ATP8A2: variants seen among roughly 807,000 people sequenced by gnomAD.
ATP8A2 encodes the protein phospholipid-transporting ATPase IB.
ATP8A2 carries 100 observed loss-of-function variants against 165.6 expected under a neutral mutation model. The ratio of observed to expected loss-of-function variants is 0.60; its 90% CI spans 0.51 to 0.71. The LOEUF (loss-of-function observed/expected upper bound fraction) is 0.71, where lower values mean the gene tolerates loss of function less well. Among genes scored for constraint, ATP8A2 ranks in the 30% least tolerant of loss-of-function variants. ATP8A2 has a pLI of 0.00. For synonymous variants in ATP8A2, 543 were observed against 548.8 expected, an observed-to-expected ratio of 0.99 and a Z score of 0.15; for missense variants, 1,227 against 1,479.5, an observed-to-expected ratio of 0.83 and a Z score of 2.80.
rs529758396 is a variant in ATP8A2 at position 25,938,453 on chromosome 13, G to A, written c.3184-23122G>A. Among the ~76,000 whole-genome samples, 7 of 152,306 alleles carry A rather than the reference G, an allele frequency of 4.6e-5. No individual in the cohort carries two copies. In the South Asian group the frequency reaches 8.3e-4, roughly 18 times the overall value. The stretch of plus-strand genomic sequence containing the variant: ...AGGAAATTACAAAGTTATGGATCCC[G>A]CAGTAACTGTAAATTAACCCCATTG... On this transcript the variant is annotated intron_variant, in intron 33 of 36. Coordinates refer to ENST00000381655, the MANE Select transcript of ATP8A2 (RefSeq NM_016529.6).
At chr13:25,633,550 A>G (rs1593694598) in intron 24 of ATP8A2, among the ~76,000 whole-genome samples, 1 of 152,216 alleles carries the variant, frequency 6.6e-6, no homozygotes, top group Non-Finnish European at 1.5e-5. Flanking sequence ...TGTCCTTTCA[A>G]TAATAGCAAC....
At chr13:25,952,179 A>G (rs1566297964) in intron 33 of ATP8A2, among the ~76,000 whole-genome samples, 1 of 152,190 alleles carries the variant, frequency 6.6e-6, no homozygotes, top group Non-Finnish European at 1.5e-5. Flanking sequence ...CAATACGTTG[A>G]ACTGAGATGC....
intron 25 of ATP8A2, among the ~76,000 whole-genome samples, chr13:25,716,716 C>T (rs3117862): frequency 0.24 from 36,804 of 151,996 alleles, 6,674 homozygotes; most frequent in African/African-American, 0.51. Flanking sequence ...GCTCTTATTA[C>T]GTGTAAAACA....
chr13:25,825,923 C>T (rs1166129913), intron 27 of ATP8A2, among the ~76,000 whole-genome samples: 5 of 151,570 alleles, frequency 3.3e-5, no homozygotes, highest in Non-Finnish European at 7.4e-5. Context: ...TCAGATCCTA[C>T]AAAGAATGGT....
chr13:25,708,477 TGTTA>T (rs2043096600), intron 25 of ATP8A2, among the ~76,000 whole-genome samples: 1 of 152,250 alleles, frequency 6.6e-6, no homozygotes, highest in Non-Finnish European at 1.5e-5. Flanking sequence ...AAGAAAATTA[TGTTA>T]TCCATTTTCC....
At position 25,797,597 on chromosome 13, in the gene ATP8A2, C is replaced by T. The variant is rs374055844; in HGVS notation, c.2679+22638C>T. 2.0e-5 allele frequency among the ~76,000 whole-genome samples: 3 copies of T among 152,194 alleles called. No individual in the cohort carries two copies. The South Asian group carries it at 6.2e-4, about 32-fold the overall frequency. The stretch of plus-strand genomic sequence containing the variant: ...ATATAGACTGTTAAGGCCCGTGTTC[C>T]CACTTTTTTAGGAATTTGATGGAGA... On this transcript the variant is annotated intron_variant, in intron 27 of 36. Coordinates refer to ENST00000381655, the MANE Select transcript of ATP8A2 (RefSeq NM_016529.6).
intron 25 of ATP8A2, among the ~76,000 whole-genome samples, chr13:25,713,765 C>T (rs951258933): frequency 6.6e-6 from 1 of 152,064 alleles, no homozygotes; most frequent in African/African-American, 2.4e-5. Flanking sequence ...TCCTGACAAA[C>T]AACGTGCCAT....
chr13:25,834,022 G>A (rs1951544998), intron 28 of ATP8A2, among the ~76,000 whole-genome samples: 1 of 152,014 alleles, frequency 6.6e-6, no homozygotes, highest in Admixed American at 6.6e-5. Context: ...AATGCAGATA[G>A]CCAGCAAATG....
intron 2 of ATP8A2, among the ~76,000 whole-genome samples, chr13:25,512,431 G>T (rs1171869117): frequency 6.6e-6 from 1 of 152,078 alleles, no homozygotes; most frequent in East Asian, 1.9e-4. Flanking sequence ...CGGGCAGAGG[G>T]GCTCCTCACT....
At chr13:25,630,970 A>G (rs983827411) in intron 24 of ATP8A2, among the ~76,000 whole-genome samples, 1 of 152,168 alleles carries the variant, frequency 6.6e-6, no homozygotes, top group African/African-American at 2.4e-5. Context: ...GCTGGAGGCC[A>G]TAGGTTTCAG....
chr13:25,575,003 C>T (rs2138201618), intron 19 of ATP8A2, 146 bp downstream of exon 19: 3 of 469,194 alleles, frequency 6.4e-6, no homozygotes, highest in East Asian at 3.5e-5. Context: ...CTCTTTTCTT[C>T]TTGGAATTTG....
intron 24 of ATP8A2, among the ~76,000 whole-genome samples, chr13:25,687,261 G>A (rs904135505): frequency 2.0e-5 from 3 of 152,200 alleles, no homozygotes; most frequent in African/African-American, 7.2e-5. Context: ...TTCACCCAGT[G>A]GGAGCAGTAA....
At chr13:25,525,266 G>GT (rs1341122335) in intron 2 of ATP8A2, among the ~76,000 whole-genome samples, 1 of 151,860 alleles carries the variant, frequency 6.6e-6, no homozygotes, top group Admixed American at 6.6e-5. Context: ...TTTTTAGCAG[G>GT]TTTCTGTATG....
chr13:25,881,022 T>G (rs1415808019), intron 33 of ATP8A2: 1 of 424,822 alleles, frequency 2.4e-6, no homozygotes, highest in African/African-American at 2.0e-5. Flanking sequence ...AGGTCCAAGG[T>G]TAAGGATATT....
At chr13:25,777,565 T>C (rs1054291243) in intron 27 of ATP8A2, among the ~76,000 whole-genome samples, 3 of 152,258 alleles carry the variant, frequency 2.0e-5, no homozygotes, top group Non-Finnish European at 4.4e-5. Flanking sequence ...AGCGATTCTT[T>C]ACAATAGCCA....
chr13:25,848,236 G>T (rs1409851680), intron 30 of ATP8A2, among the ~76,000 whole-genome samples: 1 of 152,226 alleles, frequency 6.6e-6, no homozygotes, highest in Non-Finnish European at 1.5e-5. Flanking sequence ...TTAAAACTAT[G>T]CCTGCTTCAT....
intron 13 of ATP8A2, among the ~76,000 whole-genome samples, chr13:25,556,843 T>C (rs975633413): frequency 6.6e-6 from 1 of 152,138 alleles, no homozygotes; most frequent in Non-Finnish European, 1.5e-5. Context: ...GATCTGGCTG[T>C]TCCAAGCTTC....
At chr13:25,888,429 AG>A (rs1263870104) in intron 33 of ATP8A2, among the ~76,000 whole-genome samples, 1 of 152,252 alleles carries the variant, frequency 6.6e-6, no homozygotes, top group African/African-American at 2.4e-5. Context: ...CGTCAAGTTC[AG>A]AAAAAGCTAA....
chr13:25,925,944 T>C (rs1412085577), intron 33 of ATP8A2, among the ~76,000 whole-genome samples: 1 of 152,096 alleles, frequency 6.6e-6, no homozygotes, highest in African/African-American at 2.4e-5. Context: ...CAGGCTGGTC[T>C]TAAACTCCTG....
Sources: gnomAD v4.1 joint callset for allele counts (sites outside exome capture counted in the v4.1 genomes callset) on GRCh38, gnomAD v4.1.1 for gene constraint, MANE v1.5 for transcripts, NCBI Gene and HGNC (gene_info 2026-07-23, HGNC 2026-07-21) for gene names.